Variants in CDNF observed in about 807,000 individuals in gnomAD.
The protein encoded by CDNF is ARMET-like protein 1.
Under a neutral mutation model 14.8 loss-of-function variants are expected in CDNF, and 9 were observed. The observed-to-expected ratio is 0.61, with a 90% CI of 0.37 to 1.06. CDNF has a LOEUF of 1.06. Among genes scored for constraint, CDNF ranks in the 50% least tolerant of loss-of-function variants. The probability of loss-of-function intolerance (pLI) is 0.01; values close to 1 mark genes in which losing one functional copy is unlikely to be tolerated. For synonymous variants in CDNF, 86 were observed against 87.2 expected, an observed-to-expected ratio of 0.99 and a Z score of 0.07; for missense variants, 228 against 228.4, an observed-to-expected ratio of 1.00 and a Z score of 0.01.
intron 3 of CDNF, among the ~76,000 whole-genome samples, chr10:14,824,904 G>A (rs574123919): frequency 9.2e-5 from 14 of 152,046 alleles, no homozygotes; most frequent in South Asian, 2.1e-4. Flanking sequence ...CTTGACATAC[G>A]TATCTGGCTT....
rs1192408404 is a variant in CDNF at position 14,819,794 on chromosome 10, T to A, written c.*186A>T. 3 of 548,222 alleles carry A rather than the reference T, an allele frequency of 5.5e-6. No individual in the cohort carries two copies. The highest frequency in any genetic ancestry group is 6.3e-6 in the Non-Finnish European group (2 of 318,772). The allele number at this position is 548,222 out of a possible 1,614,324, so 34.0% of individuals were successfully genotyped here. A position where few individuals can be genotyped will look rare whatever the true frequency, so the allele number is the denominator to read the frequency against. On this transcript the variant is annotated 3_prime_UTR_variant, in exon 4 of 4. Transcript: ENST00000465530. ...CTTTTAGCTTTTGGTACACTGCAAA[T>A]GTAAGTTATCAGTAGTATTAGTTTC... is the stretch of plus-strand genomic sequence containing the variant.
At chr10:14,829,111 G>T (rs546007367) in intron 1 of CDNF, among the ~76,000 whole-genome samples, 2 of 152,208 alleles carry the variant, frequency 1.3e-5, no homozygotes, top group Non-Finnish European at 2.9e-5. Flanking sequence ...TGGACACATT[G>T]TAACAGCATA....
chr10:14,830,795 G>A lies in CDNF; in HGVS notation c.116-2523C>T, dbSNP rs570681162. On this transcript the variant is annotated intron_variant, in intron 1 of 3. Transcript: ENST00000465530. Reference sequence around the variant, plus strand: ...CGGGAGGCGGAGGTTGCAGTGAGCCGAGATCACACCATTATACTCCAGTCT... The same window carrying A: ...CGGGAGGCGGAGGTTGCAGTGAGCCAAGATCACACCATTATACTCCAGTCT... Among the ~76,000 whole-genome samples the A allele has an allele frequency of 2.4e-3, 358 of 151,068 alleles. 1 individual carries two copies. The highest frequency in any genetic ancestry group is 6.8e-3 in the Middle Eastern group (2 of 292).
chr10:14,828,599 A>G (rs1273287169), intron 1 of CDNF, among the ~76,000 whole-genome samples: 1 of 152,038 alleles, frequency 6.6e-6, no homozygotes, highest in Non-Finnish European at 1.5e-5. Flanking sequence ...GTGAGCCGAG[A>G]TCTTACCACT....
At chr10:14,822,618 C>G (rs1304403043) in intron 3 of CDNF, among the ~76,000 whole-genome samples, 1 of 151,344 alleles carries the variant, frequency 6.6e-6, no homozygotes, top group Non-Finnish European at 1.5e-5. Context: ...GTCCGGTGTT[C>G]ACTTTGATAA....
At chr10:14,824,753 C>T (rs1833765381) in intron 3 of CDNF, among the ~76,000 whole-genome samples, 1 of 152,088 alleles carries the variant, frequency 6.6e-6, no homozygotes, top group Non-Finnish European at 1.5e-5. Flanking sequence ...AATGGTAGCT[C>T]TGCCTAGGAA....
At position 14,826,095 on chromosome 10, in the gene CDNF, A is replaced by AAGAAGAAGC. The variant is rs1426555042; in HGVS notation, c.244-476_244-475insGCTTCTTCT. 4.8e-3 allele frequency among the ~76,000 whole-genome samples: 416 copies of AAGAAGAAGC among 87,350 alleles called. 3 individuals carry two copies. Among genetic ancestry groups the AAGAAGAAGC allele is most frequent in the Non-Finnish European group, 6.6e-3 (284 of 42,864 alleles). The allele number at this position is 87,350 out of a possible 152,430, so 57.3% of individuals were successfully genotyped here. A position where few individuals can be genotyped will look rare whatever the true frequency, so the allele number is the denominator to read the frequency against. On this transcript the variant is annotated intron_variant, in intron 2 of 3. Transcript: ENST00000465530. ...GAAGAAGAAGAAGAAGAAGAAGAAG[A>AAGAAGAAGC]AGCAGCAGCAGCAGCAGCAGCAGCA... is the stretch of plus-strand genomic sequence containing the variant.
At chr10:14,837,785 C>T in intron 1 of CDNF, 47 bp downstream of exon 1, 1 of 1,221,254 alleles carries the variant, frequency 8.2e-7, no homozygotes, top group East Asian at 2.5e-5. Context: ...AGCTGCTGCG[C>T]CGCAGCGCGG....
chr10:14,820,901 T>C (rs1371334774), intron 3 of CDNF, among the ~76,000 whole-genome samples: 1 of 152,086 alleles, frequency 6.6e-6, no homozygotes, highest in Non-Finnish European at 1.5e-5. Context: ...TTTCTCATGA[T>C]AGTGAGTGAG....
chr10:14,820,472 A>C (rs1833728786), intron 3 of CDNF, among the ~76,000 whole-genome samples: 1 of 152,188 alleles, frequency 6.6e-6, no homozygotes, highest in South Asian at 2.1e-4. Flanking sequence ...CATGCCTGTA[A>C]TCTCAGCACT....
In CDNF at chr10:14,827,013, C is replaced by T. The variant is rs570438875; in HGVS notation, c.243+1132G>A. Among the ~76,000 whole-genome samples, 130 of 128,394 alleles carry T rather than the reference C, an allele frequency of 1.0e-3. 1 individual carries two copies. The highest frequency in any genetic ancestry group is 3.4e-3 in the African/African-American group (110 of 32,638). 84.2% of individuals were successfully genotyped at this position (128,394 alleles called of 152,430 possible). On this transcript the variant is annotated intron_variant, in intron 2 of 3. Coordinates refer to ENST00000465530, the MANE Select transcript of CDNF (RefSeq NM_001029954.3). The stretch of plus-strand genomic sequence containing the variant: ...GGTGAATCACTTGAGCTCAGGAGTT[C>T]GAGATCAGCCTGGGCTACAAGGCCA...
chr10:14,826,124 G>GC (rs1833786403), intron 2 of CDNF, among the ~76,000 whole-genome samples: 4 of 147,456 alleles, frequency 2.7e-5, no homozygotes, highest in Admixed American at 1.4e-4. Context: ...AGCAGCAGCA[G>GC]AAGCAGGAGA....
intron 1 of CDNF, among the ~76,000 whole-genome samples, chr10:14,828,645 C>G (rs117450944): frequency 0.031 from 4,658 of 151,532 alleles, 129 homozygotes; most frequent in Middle Eastern, 0.082. Context: ...GACTCCATCT[C>G]ACACACAAAA....
intron 2 of CDNF, among the ~76,000 whole-genome samples, chr10:14,826,113 C>CAGA (rs1564313506): frequency 2.4e-5 from 3 of 125,236 alleles, no homozygotes; most frequent in Non-Finnish European, 4.9e-5. Context: ...GCAGCAGCAG[C>CAGA]AGCAGCAGCA....
intron 3 of CDNF, among the ~76,000 whole-genome samples, chr10:14,822,889 T>G (rs186570203): frequency 6.6e-6 from 1 of 152,348 alleles, no homozygotes; most frequent in African/African-American, 2.4e-5. Flanking sequence ...CCCTTAAATT[T>G]TTATAGTGAT....
intron 1 of CDNF, among the ~76,000 whole-genome samples, chr10:14,831,026 C>T (rs978941102): frequency 1.3e-5 from 2 of 152,130 alleles, no homozygotes; most frequent in Non-Finnish European, 2.9e-5. Flanking sequence ...TATGAGTTAT[C>T]AAGAAAGTTT....
chr10:14,819,836 A>T lies in CDNF; in HGVS notation c.*144T>A, dbSNP rs1438159409. 1 of 791,714 alleles carries T rather than the reference A, an allele frequency of 1.3e-6. No homozygotes were observed. Among genetic ancestry groups the T allele is most frequent in the East Asian group, 2.6e-5 (1 of 38,688 alleles). 49.0% of individuals were successfully genotyped at this position (791,714 alleles called of 1,614,324 possible). ...ATTAGTTTCACTCATAAACCCACGT[A>T]ACAAAATTCTGAGGAATAATACCAA... On this transcript the variant is annotated 3_prime_UTR_variant, in exon 4 of 4. Transcript: ENST00000465530.
intron 3 of CDNF, among the ~76,000 whole-genome samples, chr10:14,820,951 C>G (rs1833733175): frequency 6.6e-6 from 1 of 151,708 alleles, no homozygotes; most frequent in South Asian, 2.1e-4. Flanking sequence ...TAGCACCTCC[C>G]CCTTTGCGCT....
chr10:14,826,170 AAGCAGCAGCAGAAGCAGAAGCAGC>A (rs1833788267), intron 2 of CDNF, among the ~76,000 whole-genome samples: 1 of 147,180 alleles, frequency 6.8e-6, no homozygotes, highest in African/African-American at 2.7e-5. Context: ...GAAGAAGCAG[AAGCAGCAGCAGAAGCAGAAGCAGC>A]AGAAGAAGAA....
Sources: gnomAD v4.1 joint callset for allele counts (sites outside exome capture counted in the v4.1 genomes callset) on GRCh38, gnomAD v4.1.1 for gene constraint, MANE v1.5 for transcripts, NCBI Gene and HGNC (gene_info 2026-07-23, HGNC 2026-07-21) for gene names.